Variants in NTM observed in about 807,000 individuals in gnomAD.
NTM encodes neurotrimin.
A neutral mutation model predicts 42.1 loss-of-function variants in NTM; 13 were observed. That is an observed-to-expected ratio of 0.31 (90% confidence interval 0.20 to 0.49). The LOEUF is 0.49. Among genes scored for constraint, NTM ranks in the 20% least tolerant of loss-of-function variants. The pLI is 0.99. For synonymous variants in NTM, 187 were observed against 179.2 expected (o/e 1.04, Z -0.35); for missense variants, 373 against 452.8 (o/e 0.82, Z 1.60).
chr11:132,004,605 T>TTCTCTC (rs71480226), intron 2 of NTM, among the ~76,000 whole-genome samples: 10,863 of 143,974 alleles, frequency 0.075, 461 homozygotes, highest in Non-Finnish European at 0.11. Flanking sequence ...CTTTCTCTCT[T>TTCTCTC]TCTCTCTCTC....
At chr11:131,886,319 C>T (rs1056597278) in intron 1 of NTM, among the ~76,000 whole-genome samples, 9 of 152,226 alleles carry the variant, frequency 5.9e-5, no homozygotes, top group Admixed American at 5.9e-4. Context: ...GGCCTTGGAC[C>T]TCCTGGCTGT....
At chr11:131,844,489 G>T (rs2044676699) in intron 1 of NTM, among the ~76,000 whole-genome samples, 1 of 152,034 alleles carries the variant, frequency 6.6e-6, no homozygotes, top group Non-Finnish European at 1.5e-5. Context: ...TTAACTTCTA[G>T]TACCACACAA....
chr11:131,443,737 T>G (rs1949802692), intron 1 of NTM, among the ~76,000 whole-genome samples: 1 of 152,174 alleles, frequency 6.6e-6, no homozygotes, highest in African/African-American at 2.4e-5. Flanking sequence ...AAGAGTGACT[T>G]CCATCTTAAG....
chr11:131,712,046 C>T (rs1279960321), intron 1 of NTM, among the ~76,000 whole-genome samples: 33 of 148,398 alleles, frequency 2.2e-4, no homozygotes, highest in Admixed American at 5.4e-4. Flanking sequence ...GACGAGTTAA[C>T]GGGTGCAGCA....
intron 1 of NTM, among the ~76,000 whole-genome samples, chr11:131,564,100 C>G (rs1411122157): frequency 1.3e-5 from 2 of 152,180 alleles, no homozygotes; most frequent in African/African-American, 4.8e-5. Flanking sequence ...GCAAGGCTTT[C>G]TCTGCCAGTG....
chr11:131,637,861 A>G (rs1258133524), intron 1 of NTM, among the ~76,000 whole-genome samples: 1 of 152,138 alleles, frequency 6.6e-6, no homozygotes, highest in African/African-American at 2.4e-5. Flanking sequence ...AGTTCTTGGG[A>G]TAAATGTGCT....
intron 7 of NTM, among the ~76,000 whole-genome samples, chr11:132,319,789 G>T (rs187079148): frequency 6.6e-6 from 1 of 152,330 alleles, no homozygotes; most frequent in African/African-American, 2.4e-5. Flanking sequence ...CCAGCATGCA[G>T]CTGGAGATCT....
At chr11:131,742,527 A>G (rs1276584147) in intron 1 of NTM, among the ~76,000 whole-genome samples, 2 of 152,150 alleles carry the variant, frequency 1.3e-5, no homozygotes, top group African/African-American at 2.4e-5. Flanking sequence ...CAGTTTTTCT[A>G]TTGGACTGGA....
intron 1 of NTM, among the ~76,000 whole-genome samples, chr11:131,712,076 T>C (rs1163753040): frequency 6.7e-6 from 1 of 149,812 alleles, no homozygotes. Flanking sequence ...GGCACATGTA[T>C]ACATATGTAA....
chr11:131,502,679 T>G (rs1279410525), intron 1 of NTM: 1 of 152,226 alleles, frequency 6.6e-6, no homozygotes, highest in Non-Finnish European at 1.5e-5. Flanking sequence ...GTCAGGCATT[T>G]GCTTGTTGTT....
chr11:131,948,556 G>A (rs1300658208), intron 2 of NTM, among the ~76,000 whole-genome samples: 2 of 152,126 alleles, frequency 1.3e-5, no homozygotes, highest in Non-Finnish European at 2.9e-5. Context: ...TTTGCTTCTA[G>A]GAGGAGTGAT....
chr11:131,745,004 C>A (rs1367619111), intron 1 of NTM, among the ~76,000 whole-genome samples: 1 of 152,192 alleles, frequency 6.6e-6, no homozygotes, highest in African/African-American at 2.4e-5. Context: ...GACAGAGCTG[C>A]AAATGGTGAT....
chr11:131,968,494 C>A (rs2063122996), intron 2 of NTM, among the ~76,000 whole-genome samples: 1 of 152,106 alleles, frequency 6.6e-6, no homozygotes. Flanking sequence ...TCGTACCCAG[C>A]AAAAGTAGGC....
intron 1 of NTM, among the ~76,000 whole-genome samples, chr11:131,596,464 G>A (rs985542759): frequency 1.9e-4 from 29 of 152,288 alleles, no homozygotes; most frequent in Non-Finnish European, 2.9e-4. Context: ...GGTGGCCGGC[G>A]GAATCTGGCC....
At chr11:131,735,763 C>T (rs1465654240) in intron 1 of NTM, among the ~76,000 whole-genome samples, 2 of 151,732 alleles carry the variant, frequency 1.3e-5, no homozygotes, top group Non-Finnish European at 2.9e-5. Context: ...GTGTCCAGGC[C>T]CACACTGTGG....
intron 2 of NTM, among the ~76,000 whole-genome samples, chr11:131,935,431 G>T (rs2059105134): frequency 2.6e-5 from 4 of 151,972 alleles, no homozygotes; most frequent in Non-Finnish European, 5.9e-5. Context: ...TTGATTTCTT[G>T]TGTTTATTAG....
At chr11:131,742,565 T>C (rs2081324252) in intron 1 of NTM, among the ~76,000 whole-genome samples, 1 of 151,626 alleles carries the variant, frequency 6.6e-6, no homozygotes, top group Non-Finnish European at 1.5e-5. Context: ...TTACATAGAA[T>C]CTATGATTTT....
intron 1 of NTM, among the ~76,000 whole-genome samples, chr11:131,900,365 G>A (rs2052968596): frequency 6.6e-6 from 1 of 152,232 alleles, no homozygotes; most frequent in Non-Finnish European, 1.5e-5. Flanking sequence ...AGAAACCACA[G>A]GAAGGATTTG....
chr11:131,490,836 A>G (rs78984372), intron 1 of NTM, among the ~76,000 whole-genome samples: 4,642 of 152,318 alleles, frequency 0.03, 95 homozygotes, highest in Non-Finnish European at 0.044. Context: ...CCTGAGAGAA[A>G]TTTGAGTTGG....
Sources: allele counts gnomAD v4.1 joint callset (sites outside exome capture counted in the v4.1 genomes callset), GRCh38; gene constraint gnomAD v4.1.1; transcripts MANE v1.5; gene names NCBI Gene and HGNC (gene_info 2026-07-23, HGNC 2026-07-21).